CLCA4: variants seen among roughly 807,000 people sequenced by gnomAD.
CLCA4 encodes the protein calcium-activated chloride channel regulator 4.
A neutral mutation model predicts 78.9 loss-of-function variants in CLCA4; 69 were observed. That is an observed-to-expected ratio of 0.87 (90% CI 0.72 to 1.07). The LOEUF (loss-of-function observed/expected upper bound fraction) is 1.07, where lower values mean the gene tolerates loss of function less well. CLCA4 is among the 50% of genes least tolerant of loss of function. The pLI, the probability that CLCA4 is intolerant of heterozygous loss-of-function variation, is 0.00. For missense variants in CLCA4, 1,133 were observed against 1,095.8 expected, an observed-to-expected ratio of 1.03 and a Z score of -0.48; for synonymous variants, 362 against 375.8, an observed-to-expected ratio of 0.96 and a Z score of 0.42.
chr1:86,558,949 C>T (rs369865531), intron 1 of CLCA4, among the ~76,000 whole-genome samples: 1 of 152,080 alleles, frequency 6.6e-6, no homozygotes, highest in African/African-American at 2.4e-5. Context: ...AGGTGATCTG[C>T]CCTTTCCTCT....
intron 1 of CLCA4, 44 bp from the exon 2 acceptor site, chr1:86,559,888 A>T (rs776780811): frequency 4.6e-6 from 7 of 1,511,110 alleles, no homozygotes; most frequent in East Asian, 2.3e-5. Context: ...AATTTAGTTC[A>T]CTCTAACTTC....
chr1:86,552,270 C>T (rs1440937918), intron 1 of CLCA4, among the ~76,000 whole-genome samples: 2 of 152,072 alleles, frequency 1.3e-5, no homozygotes, highest in African/African-American at 4.8e-5. Context: ...GTAAAAAAAT[C>T]ACCTGTCTGA....
intron 8 of CLCA4, 63 bp downstream of exon 8, chr1:86,571,317 T>C: frequency 3.4e-6 from 5 of 1,465,052 alleles, no homozygotes; most frequent in South Asian, 1.3e-5. Context: ...AGGCTGACAG[T>C]TCAACAACGT....
intron 1 of CLCA4, among the ~76,000 whole-genome samples, chr1:86,549,932 G>C (rs1038123851): frequency 6.6e-6 from 1 of 152,176 alleles, no homozygotes; most frequent in African/African-American, 2.4e-5. Context: ...GAAGAGAAAG[G>C]CTCCAGGACT....
chr1:86,569,315 A>G lies in CLCA4; in HGVS notation c.1182+1664A>G, dbSNP rs1030151551. The stretch of plus-strand genomic sequence containing the variant: ...AAATGCAAAAGTTCCTTAAGGAAAA[A>G]GGTGAGAAAAAACTAGATTATTCTA... On this transcript the variant is annotated intron_variant, in intron 7 of 13. Transcript: ENST00000370563. Among the ~76,000 whole-genome samples, 4 of 152,088 alleles carry G rather than the reference A, an allele frequency of 2.6e-5. No individual in the cohort carries two copies. In the South Asian group the frequency reaches 8.3e-4, roughly 32 times the overall value.
intron 3 of CLCA4, among the ~76,000 whole-genome samples, chr1:86,560,617 A>G (rs1430035542): frequency 6.6e-6 from 1 of 152,238 alleles, no homozygotes; most frequent in African/African-American, 2.4e-5. Context: ...TACTCAGTAC[A>G]GTGTCTACAA....
chr1:86,547,295 A>G lies in CLCA4; in HGVS notation c.159+17A>G, dbSNP rs1445743097. 3 of 1,539,888 alleles carry G rather than the reference A, an allele frequency of 1.9e-6. No homozygotes were observed. In the African/African-American group the frequency reaches 4.2e-5, roughly 22 times the overall value. Reference sequence around the variant, plus strand: ...CAAATAGAGGTAAGAACAAAATGGAATATCTTTCATTAATTTTTAGTTTTT... The same window carrying G: ...CAAATAGAGGTAAGAACAAAATGGAGTATCTTTCATTAATTTTTAGTTTTT... On this transcript the variant is annotated intron_variant, in intron 1 of 13. Coordinates refer to ENST00000370563, the MANE Select transcript of CLCA4 (RefSeq NM_012128.4).
rs559972141 is a variant in CLCA4, at chr1:86,568,173, C to A, written c.1182+522C>A. Among the ~76,000 whole-genome samples the A allele has an allele frequency of 7.9e-4, 120 of 151,836 alleles. 2 individuals are homozygous for A. Among genetic ancestry groups the A allele is most frequent in the Non-Finnish European group, 1.4e-3 (95 of 67,874 alleles). On this transcript the variant is annotated intron_variant, in intron 7 of 13. Coordinates refer to ENST00000370563, the MANE Select transcript of CLCA4 (RefSeq NM_012128.4). Reference sequence around the variant, plus strand: ...CTTTGACATCAGAGTACTGTATGTGCTACTTACTAACCAGGTAATCTTAGG... The same window carrying A: ...CTTTGACATCAGAGTACTGTATGTGATACTTACTAACCAGGTAATCTTAGG...
intron 3 of CLCA4, among the ~76,000 whole-genome samples, chr1:86,562,094 A>T (rs1411634064): frequency 6.6e-6 from 1 of 152,138 alleles, no homozygotes; most frequent in East Asian, 1.9e-4. Context: ...ACACACACAC[A>T]CATGGTGCAA....
At chr1:86,567,767 A>C in intron 7 of CLCA4, 116 bp downstream of exon 7, 1 of 806,128 alleles carries the variant, frequency 1.2e-6, no homozygotes, top group Non-Finnish European at 2.0e-6. Flanking sequence ...TAATCCTAAG[A>C]GGCACAGGAC....
Position 86,552,739 on chromosome 1 carries a change from G to A in CLCA4, c.159+5461G>A, listed in dbSNP as rs966467380. 1.3e-5 allele frequency: 18 copies of A among 1,436,210 alleles called. No homozygotes were observed. In the African/African-American group the frequency reaches 2.2e-4, roughly 18 times the overall value. The allele number at this position is 1,436,210 out of a possible 1,614,324, so 89.0% of individuals were successfully genotyped here. On this transcript the variant is annotated intron_variant, in intron 1 of 13. Transcript: ENST00000370563. ...CGAGCCCTTCACAGGGGCCCGGCCC[G>A]GCACCCCCATCATGCCTGTCAGTAC...
chr1:86,550,466 C>G (rs1649620095), intron 1 of CLCA4, among the ~76,000 whole-genome samples: 2 of 152,052 alleles, frequency 1.3e-5, no homozygotes, highest in African/African-American at 4.8e-5. Flanking sequence ...CAATTGTTTA[C>G]AGGCATGCCC....
Position 86,563,634 on chromosome 1 carries a change from T to G in CLCA4, c.449-27T>G, listed in dbSNP as rs373444431. 59 of 1,127,138 alleles carry G rather than the reference T, an allele frequency of 5.2e-5. No homozygotes were observed. In the African/African-American group the frequency reaches 6.8e-4, roughly 13 times the overall value. The allele number at this position is 1,127,138 out of a possible 1,614,324, so 69.8% of individuals were successfully genotyped here. ...ACAAAACGTGTCACTTGGATTATGATCATGTATTTGAAATGCTTTCCCACA... is the reference window on the plus strand; with the variant it reads ...ACAAAACGTGTCACTTGGATTATGAGCATGTATTTGAAATGCTTTCCCACA... On this transcript the variant is annotated intron_variant, in intron 3 of 13. Coordinates refer to ENST00000370563, the MANE Select transcript of CLCA4 (RefSeq NM_012128.4).
chr1:86,549,352 G>A lies in CLCA4; in HGVS notation c.159+2074G>A, dbSNP rs567650758. On this transcript the variant is annotated intron_variant, in intron 1 of 13. Transcript: ENST00000370563. ...ATGAATGAGCAGGAGGAAGCATAGG[G>A]TGAGCTGAAGTTAGAGAGGTGGCAG... 2.0e-5 allele frequency among the ~76,000 whole-genome samples: 3 copies of A among 152,304 alleles called. No homozygotes were observed. The South Asian group carries it at 6.2e-4, about 32-fold the overall frequency.
intron 13 of CLCA4, 124 bp from the exon 14 acceptor site, chr1:86,579,818 T>C (rs1650651301): frequency 1.3e-6 from 1 of 778,500 alleles, no homozygotes. Context: ...TCAGCTTTTA[T>C]TAAAAAATGA....
intron 11 of CLCA4, 22 bp from the exon 12 acceptor site, chr1:86,577,880 A>G: frequency 2.0e-5 from 31 of 1,553,338 alleles, no homozygotes; most frequent in Non-Finnish European, 2.6e-5. Flanking sequence ...ACAAGACTTT[A>G]TTCCTTCATT....
At chr1:86,574,262 A>G (rs772598) in intron 9 of CLCA4, among the ~76,000 whole-genome samples, 91,223 of 151,754 alleles carry the variant, frequency 0.6, 27,578 homozygotes, top group East Asian at 0.72. Flanking sequence ...GAAAACATCC[A>G]TGAATGCTTG....
At chr1:86,578,501 T>C (rs1000580072) in intron 12 of CLCA4, among the ~76,000 whole-genome samples, 2 of 152,084 alleles carry the variant, frequency 1.3e-5, no homozygotes, top group African/African-American at 4.8e-5. Context: ...TTACCCTCTT[T>C]GTGTCCATGA....
At position 86,580,045 on chromosome 1, in the gene CLCA4, C is replaced by T. The variant is rs1200030581; in HGVS notation, c.2460C>T (p.Ala820=). The T allele has an allele frequency of 1.9e-6, 3 of 1,612,806 alleles. No individual in the cohort carries two copies. The highest frequency in any genetic ancestry group is 2.5e-6 in the Non-Finnish European group (3 of 1,179,356). The change falls in exon 14 of 14, where the codon GCC becomes GCT. Residue 820 remains alanine, a synonymous_variant. Transcript: ENST00000370563. ...CTACTGATCTGTCACCAAAGGAGGC[C>T]AACTCCAAGGAAAGCTTTGCATTTA... The part of the protein sequence containing the change: ...VNTTDLSPKE[A]NSKESFAFKP...
Sources: gnomAD v4.1 joint callset for allele counts (sites outside exome capture counted in the v4.1 genomes callset) on GRCh38, gnomAD v4.1.1 for gene constraint, MANE v1.5 for transcripts, NCBI Gene and HGNC (gene_info 2026-07-23, HGNC 2026-07-21) for gene names.